Variants in CD58 observed in about 807,000 individuals in gnomAD.
CD58 encodes the protein CD58 molecule.
CD58 carries 14 observed loss-of-function variants against 27.6 expected under a neutral mutation model. The observed-to-expected ratio is 0.51, with a 90% CI of 0.34 to 0.79. The LOEUF (loss-of-function observed/expected upper bound fraction) is 0.79, where lower values mean the gene tolerates loss of function less well. Ranked by LOEUF, CD58 falls within the 30% of genes least tolerant of loss-of-function variation. The probability of loss-of-function intolerance (pLI) is 0.02; values close to 1 mark genes in which losing one functional copy is unlikely to be tolerated. For synonymous variants in CD58, 117 were observed against 103.8 expected, an observed-to-expected ratio of 1.13 and a Z score of -0.77; for missense variants, 268 against 301.7, an observed-to-expected ratio of 0.89 and a Z score of 0.83.
At position 116,528,325 on chromosome 1, in the gene CD58, T is replaced by C. The variant is rs1199997997; in HGVS notation, c.629-6342A>G. On this transcript the variant is annotated intron_variant, in intron 3 of 5. Transcript: ENST00000369489. The surrounding 1 kb of genome is among the most constrained non-coding windows in gnomAD (Gnocchi z 4.4). ...ATTTCCGCATATTTTTGTGTTTCTATGATGAATTTTTCCAATTTCTCTCTT... is the reference window on the plus strand; with the variant it reads ...ATTTCCGCATATTTTTGTGTTTCTACGATGAATTTTTCCAATTTCTCTCTT... 6.6e-6 allele frequency among the ~76,000 whole-genome samples: 1 copy of C among 152,212 alleles called. No individual in the cohort carries two copies. The highest frequency in any genetic ancestry group is 1.5e-5 in the Non-Finnish European group (1 of 68,044).
chr1:116,525,766 T>C (rs1657408982), intron 3 of CD58, among the ~76,000 whole-genome samples: 1 of 152,210 alleles, frequency 6.6e-6, no homozygotes, highest in South Asian at 2.1e-4. Flanking sequence ...TAGTTTCCAT[T>C]TCCCTGTTGC....
rs1657904744 is a variant in CD58 at position 116,538,984 on chromosome 1, T to C, written c.365-2756A>G. On this transcript the variant is annotated intron_variant, in intron 2 of 5. Transcript: ENST00000369489. This position sits in a 1 kb window ranked among gnomAD's most constrained non-coding sequence, Gnocchi z 4.7. ...TGCCTGAGTGCATATCCCAGCTTCA[T>C]GACTAAGAGCCATTTGACATTGGGC... 6.6e-6 allele frequency among the ~76,000 whole-genome samples: 1 copy of C among 152,232 alleles called. No homozygotes were observed. Among genetic ancestry groups the C allele is most frequent in the South Asian group, 2.1e-4 (1 of 4,834 alleles).
Position 116,557,966 on chromosome 1 carries a change from G to A in CD58, c.70+12937C>T, listed in dbSNP as rs569860477. ...TGAGATTACAAGCATGAGCCACCAT[G>A]CCCAGCCAATGCCATACCTTAGAGA... On this transcript the variant is annotated intron_variant, in intron 1 of 5. Transcript: ENST00000369489. The surrounding 1 kb of genome is among the most constrained non-coding windows in gnomAD (Gnocchi z 5.2). Among the ~76,000 whole-genome samples, 7 of 152,042 alleles carry A rather than the reference G, an allele frequency of 4.6e-5. No individual in the cohort carries two copies. The highest frequency in any genetic ancestry group is 1.7e-4 in the African/African-American group (7 of 41,386).
rs1306692537 is a variant in CD58 at position 116,550,727 on chromosome 1, T to C, written c.71-6123A>G. ...CTGAATCCTTTCAGAAGGTTGTCAA[T>C]TTACTTTGCCCAGATTCATCAGAAG... On this transcript the variant is annotated intron_variant, in intron 1 of 5. Coordinates refer to ENST00000369489, the MANE Select transcript of CD58 (RefSeq NM_001779.3). This position sits in a 1 kb window ranked among gnomAD's most constrained non-coding sequence, Gnocchi z 4.2. Among the ~76,000 whole-genome samples, 1 of 152,164 alleles carries C rather than the reference T, an allele frequency of 6.6e-6. No individual in the cohort carries two copies. Among genetic ancestry groups the C allele is most frequent in the Non-Finnish European group, 1.5e-5 (1 of 68,040 alleles).
intron 1 of CD58, among the ~76,000 whole-genome samples, chr1:116,569,856 C>T (rs1557847279): frequency 6.6e-6 from 1 of 152,196 alleles, no homozygotes; most frequent in Non-Finnish European, 1.5e-5. Context: ...CCTGCCTCAG[C>T]CTCCCAAAGT....
chr1:116,519,447 G>T lies in CD58; in HGVS notation c.707-180C>A. On this transcript the variant is annotated intron_variant, in intron 4 of 5. Coordinates refer to ENST00000369489, the MANE Select transcript of CD58 (RefSeq NM_001779.3). This position sits in a 1 kb window ranked among gnomAD's most constrained non-coding sequence, Gnocchi z 4.7. The stretch of plus-strand genomic sequence containing the variant: ...ATCGGCTACAGAGCTGGTCCAAAGA[G>T]TTGTTCAAAAATTGGTCAGAACATG... 1.5e-6 allele frequency: 1 copy of T among 656,350 alleles called. No homozygotes were observed. The highest frequency in any genetic ancestry group is 2.5e-5 in the Admixed American group (1 of 39,486). The allele number at this position is 656,350 out of a possible 1,614,324, so 40.7% of individuals were successfully genotyped here. A position where few individuals can be genotyped will look rare whatever the true frequency, so the allele number is the denominator to read the frequency against.
rs752826251 is a variant in CD58, at chr1:116,535,966, G to A, written c.627C>T (p.Ser209=). ...TGACACATTTAGTTATTTACTCACC[G>A]CTGCTTGGGATACAGGTTGTCAAAA... The part of the protein sequence containing the change: ...SIILTTCIPS[S]GHSRHRYALI... Residue 209 remains serine, a splice_region_variant and synonymous_variant, in exon 3 of 6, where the codon AGC becomes AGT. Coordinates refer to ENST00000369489, the MANE Select transcript of CD58 (RefSeq NM_001779.3). 31 of 1,600,498 alleles carry A rather than the reference G, an allele frequency of 1.9e-5. No homozygotes were observed. Among genetic ancestry groups the A allele is most frequent in the African/African-American group, 4.0e-5 (3 of 74,622 alleles).
intron 4 of CD58, among the ~76,000 whole-genome samples, chr1:116,520,263 C>T (rs1053809272): frequency 5.3e-5 from 8 of 152,094 alleles, no homozygotes; most frequent in African/African-American, 1.9e-4. Context: ...AGGCATGCAC[C>T]ACCATGCCTG....
Position 116,536,316 on chromosome 1 carries a change from T to C in CD58, c.365-88A>G, listed in dbSNP as rs1571069633. The C allele has an allele frequency of 4.2e-6, 4 of 962,066 alleles. No individual in the cohort carries two copies. The East Asian group carries it at 1.1e-4, about 25-fold the overall frequency. The allele number at this position is 962,066 out of a possible 1,614,324, so 59.6% of individuals were successfully genotyped here. On this transcript the variant is annotated intron_variant, in intron 2 of 5. Coordinates refer to ENST00000369489, the MANE Select transcript of CD58 (RefSeq NM_001779.3). The surrounding 1 kb of genome is among the most constrained non-coding windows in gnomAD (Gnocchi z 5.4). ...ATTTATGAAGAGCTCGCAACCTCCT[T>C]ACAAGCTTGAAAGGATGAGCAGACA... is the stretch of plus-strand genomic sequence containing the variant.
rs909044541 is a variant in CD58, at chr1:116,526,055, C to T, written c.629-4072G>A. Among the ~76,000 whole-genome samples, 59 of 152,002 alleles carry T rather than the reference C, an allele frequency of 3.9e-4. 1 individual carries two copies. Among genetic ancestry groups the T allele is most frequent in the Non-Finnish European group, 3.5e-4 (24 of 67,988 alleles). ...TTTTAATTGGGTTGTTTGTGTTTTT[C>T]TTGTTGAGTTTTAAAAGTTTTTTGT... On this transcript the variant is annotated intron_variant, in intron 3 of 5. Coordinates refer to ENST00000369489, the MANE Select transcript of CD58 (RefSeq NM_001779.3).
chr1:116,569,195 T>G (rs1355938920), intron 1 of CD58, among the ~76,000 whole-genome samples: 2 of 152,130 alleles, frequency 1.3e-5, no homozygotes, highest in Non-Finnish European at 2.9e-5. Context: ...ACCCCATCCA[T>G]TCAATTAATC....
rs1452989743 is a variant in CD58, at chr1:116,570,716, C to A, written c.70+187G>T. Among the ~76,000 whole-genome samples, 1 of 152,162 alleles carries A rather than the reference C, an allele frequency of 6.6e-6. No individual in the cohort carries two copies. The highest frequency in any genetic ancestry group is 1.5e-5 in the Non-Finnish European group (1 of 68,022). On this transcript the variant is annotated intron_variant, in intron 1 of 5. Transcript: ENST00000369489. This position sits in a 1 kb window ranked among gnomAD's most constrained non-coding sequence, Gnocchi z 6.4. Reference sequence around the variant, plus strand: ...TTCCTTGCTGACTCCATGAGGGACACTGGCGATGAAATAACAACTTTCTCT... The same window carrying A: ...TTCCTTGCTGACTCCATGAGGGACAATGGCGATGAAATAACAACTTTCTCT...
At position 116,534,027 on chromosome 1, in the gene CD58, A is replaced by G; in HGVS notation, c.628+1938T>C. The G allele has an allele frequency of 2.4e-6, 3 of 1,243,496 alleles. No homozygotes were observed. In the East Asian group the frequency reaches 7.1e-5, roughly 29 times the overall value. 77.0% of individuals were successfully genotyped at this position (1,243,496 alleles called of 1,614,324 possible). The stretch of plus-strand genomic sequence containing the variant: ...CCTGATCCGTGAGCTTTTCCGTCTT[A>G]CTTGCATTTTTAGCAGCTTCCACGA... On this transcript the variant is annotated intron_variant, in intron 3 of 5. Transcript: ENST00000369489. The surrounding 1 kb of genome is among the most constrained non-coding windows in gnomAD (Gnocchi z 5.3).
chr1:116,537,092 T>C (rs1426485006), intron 2 of CD58, among the ~76,000 whole-genome samples: 2 of 152,150 alleles, frequency 1.3e-5, no homozygotes, highest in Non-Finnish European at 2.9e-5. Flanking sequence ...CCTGTCTTTA[T>C]AAAAAGTTTA....
chr1:116,533,210 G>GA (rs1657674768), intron 3 of CD58: 1 of 771,384 alleles, frequency 1.3e-6, no homozygotes, highest in African/African-American at 1.7e-5. Flanking sequence ...TCAGTGGATT[G>GA]AAGAAGTTGA....
At position 116,537,693 on chromosome 1, in the gene CD58, C is replaced by T. The variant is rs1571070688; in HGVS notation, c.365-1465G>A. The stretch of plus-strand genomic sequence containing the variant: ...TTCTGCCATTGTTGCCCTTTAAAAG[C>T]CTCAAGGCTAATTACTTTGTCCTAT... On this transcript the variant is annotated intron_variant, in intron 2 of 5. Coordinates refer to ENST00000369489, the MANE Select transcript of CD58 (RefSeq NM_001779.3). Among the ~76,000 whole-genome samples the T allele has an allele frequency of 2.0e-5, 3 of 152,290 alleles. No homozygotes were observed. The South Asian group carries it at 6.2e-4, about 32-fold the overall frequency.
Position 116,570,882 on chromosome 1 carries a change from C to A in CD58, c.70+21G>T. 3.2e-6 allele frequency: 5 copies of A among 1,542,196 alleles called. No individual in the cohort carries two copies. Among genetic ancestry groups the A allele is most frequent in the Non-Finnish European group, 4.4e-6 (5 of 1,147,982 alleles). On this transcript the variant is annotated intron_variant, in intron 1 of 5. Coordinates refer to ENST00000369489, the MANE Select transcript of CD58 (RefSeq NM_001779.3). The surrounding 1 kb of genome is among the most constrained non-coding windows in gnomAD (Gnocchi z 6.4). ...AGTACCCGCCGGCCGGCGCGGGGCC[C>A]CTGGGGCAGGCTTCACTCACCAAAG...
chr1:116,554,093 T>C (rs1658482974), intron 1 of CD58, among the ~76,000 whole-genome samples: 2 of 152,244 alleles, frequency 1.3e-5, no homozygotes, highest in African/African-American at 2.4e-5. Flanking sequence ...AAAGAACCTG[T>C]AGTTTCACTG....
intron 1 of CD58, 140 bp from the exon 2 acceptor site, chr1:116,544,744 C>A: frequency 1.6e-6 from 1 of 621,194 alleles, no homozygotes; most frequent in Non-Finnish European, 2.8e-6. Flanking sequence ...CCATGTGGAG[C>A]TTACTCTTTA....
Sources: allele counts gnomAD v4.1 joint callset (sites outside exome capture counted in the v4.1 genomes callset), GRCh38; gene constraint gnomAD v4.1.1; non-coding constraint Gnocchi (gnomAD v3.1); transcripts MANE v1.5; gene names NCBI Gene and HGNC (gene_info 2026-07-23, HGNC 2026-07-21).